SEMA6D: variants seen among roughly 807,000 people sequenced by gnomAD.
SEMA6D encodes the protein semaphorin-6D.
SEMA6D carries 35 observed loss-of-function variants against 106.6 expected under a neutral mutation model. The observed-to-expected ratio is 0.33, with a 90% CI of 0.25 to 0.44. SEMA6D has a LOEUF of 0.44. Ranked by LOEUF, SEMA6D falls within the 20% of genes least tolerant of loss-of-function variation. The pLI, the probability that SEMA6D is intolerant of heterozygous loss-of-function variation, is 1.00. For synonymous variants in SEMA6D, 499 were observed against 487.7 expected (o/e 1.02, Z -0.31); for missense variants, 1,185 against 1,345.9 (o/e 0.88, Z 1.87).
At chr15:47,676,869 G>A (rs1486189141) in intron 4 of SEMA6D, among the ~76,000 whole-genome samples, 1 of 152,058 alleles carries the variant, frequency 6.6e-6, no homozygotes, top group Non-Finnish European at 1.5e-5. Flanking sequence ...GTCTACGAAA[G>A]CAGCAGTCTC....
chr15:47,662,601 A>T (rs1047936201), intron 4 of SEMA6D, among the ~76,000 whole-genome samples: 4 of 152,146 alleles, frequency 2.6e-5, no homozygotes, highest in Non-Finnish European at 5.9e-5. Context: ...AACCTGCCCC[A>T]TTAGGCATTC....
chr15:47,372,987 C>T (rs908743644), intron 1 of SEMA6D, among the ~76,000 whole-genome samples: 6 of 152,184 alleles, frequency 3.9e-5, no homozygotes, highest in African/African-American at 9.7e-5. Context: ...ACTTAGATCA[C>T]GGAACAGTAA....
intron 3 of SEMA6D, among the ~76,000 whole-genome samples, chr15:47,471,941 A>T (rs1016555525): frequency 1.2e-3 from 182 of 148,346 alleles, no homozygotes; most frequent in Admixed American, 3.6e-3. Context: ...TCACACACAC[A>T]CACACACACA....
At chr15:47,618,578 A>G (rs2077046322) in intron 4 of SEMA6D, among the ~76,000 whole-genome samples, 1 of 152,118 alleles carries the variant, frequency 6.6e-6, no homozygotes, top group South Asian at 2.1e-4. Context: ...AGCTTTAGGG[A>G]TTTTTGTGTG....
intron 1 of SEMA6D, among the ~76,000 whole-genome samples, chr15:47,346,041 T>C (rs2038033278): frequency 6.6e-6 from 1 of 152,194 alleles, no homozygotes; most frequent in Non-Finnish European, 1.5e-5. Context: ...TTTGTACCCA[T>C]ATCACTAAAA....
rs536001117 is a variant in SEMA6D at position 47,225,292 on chromosome 15, T to C, written c.-239+40874T>C. Among the ~76,000 whole-genome samples the C allele has an allele frequency of 2.7e-3, 404 of 152,132 alleles. 2 individuals carry two copies. Among genetic ancestry groups the C allele is most frequent in the African/African-American group, 9.3e-3 (388 of 41,534 alleles). ...TTGCACCAATGAATGAGAATTCCTG[T>C]TGCTCTACATTCTCACCAGCATTTG... is the stretch of plus-strand genomic sequence containing the variant. On this transcript the variant is annotated intron_variant, in intron 1 of 19. Transcript: ENST00000558014.
chr15:47,327,033 G>A (rs2037160341), intron 1 of SEMA6D, among the ~76,000 whole-genome samples: 1 of 152,154 alleles, frequency 6.6e-6, no homozygotes, highest in Non-Finnish European at 1.5e-5. Context: ...GTGAGACTGT[G>A]CATCTTGGAT....
intron 7 of SEMA6D, 141 bp from the exon 8 acceptor site, chr15:47,762,059 G>A: frequency 2.2e-6 from 2 of 914,492 alleles, no homozygotes; most frequent in East Asian, 2.5e-5. Flanking sequence ...ACATGTTGAT[G>A]GTGAGAATCA....
chr15:47,598,063 T>C (rs1357831429), intron 3 of SEMA6D, among the ~76,000 whole-genome samples: 1 of 151,994 alleles, frequency 6.6e-6, no homozygotes, highest in Non-Finnish European at 1.5e-5. Flanking sequence ...AACTCTGAAT[T>C]TATAATATTG....
At chr15:47,256,492 T>C (rs936085131) in intron 1 of SEMA6D, among the ~76,000 whole-genome samples, 2 of 152,224 alleles carry the variant, frequency 1.3e-5, no homozygotes, top group Admixed American at 1.3e-4. Flanking sequence ...ACAGTTTCCA[T>C]GTGCACATTT....
chr15:47,622,116 T>G (rs1186065257), intron 4 of SEMA6D, among the ~76,000 whole-genome samples: 1 of 146,394 alleles, frequency 6.8e-6, no homozygotes, highest in Non-Finnish European at 1.5e-5. Context: ...GTTGAGGTTA[T>G]AAATAACTTA....
intron 1 of SEMA6D, among the ~76,000 whole-genome samples, chr15:47,261,644 A>G (rs927283463): frequency 6.6e-6 from 1 of 152,148 alleles, no homozygotes; most frequent in Non-Finnish European, 1.5e-5. Flanking sequence ...AAGGAAACCT[A>G]TACCCTTTAG....
rs3985864 is a variant in SEMA6D, at chr15:47,746,984, GTA to G, written c.-54-12743_-54-12742del. On this transcript the variant is annotated intron_variant, in intron 1 of 18. Transcript: ENST00000536845. ...ACAGTCTCCTGCTGTGTGTGTGTGT[GTA>G]TATATATATATATATATTTCGATTG... is the stretch of plus-strand genomic sequence containing the variant. Among the ~76,000 whole-genome samples, 43 of 122,064 alleles carry G rather than the reference GTA, an allele frequency of 3.5e-4. 1 individual carries two copies. The highest frequency in any genetic ancestry group is 4.6e-4 in the Non-Finnish European group (25 of 54,670). 80.1% of individuals were successfully genotyped at this position (122,064 alleles called of 152,430 possible).
intron 1 of SEMA6D, among the ~76,000 whole-genome samples, chr15:47,330,402 AG>A (rs2037297543): frequency 6.6e-6 from 1 of 152,156 alleles, no homozygotes; most frequent in South Asian, 2.1e-4. Flanking sequence ...GTTGGTGAAC[AG>A]TGGTGATAGT....
At chr15:47,319,603 A>G (rs1282403656) in intron 1 of SEMA6D, among the ~76,000 whole-genome samples, 1 of 151,946 alleles carries the variant, frequency 6.6e-6, no homozygotes, top group Non-Finnish European at 1.5e-5. Context: ...CCGGTGTTGG[A>G]TATTTCCCTC....
chr15:47,306,001 G>C (rs536675326), intron 1 of SEMA6D, among the ~76,000 whole-genome samples: 3 of 149,230 alleles, frequency 2.0e-5, no homozygotes, highest in South Asian at 2.1e-4. Context: ...TTTTCTTTTT[G>C]AGATGGAGTC....
At chr15:47,324,669 A>T (rs1187248480) in intron 1 of SEMA6D, among the ~76,000 whole-genome samples, 1 of 150,258 alleles carries the variant, frequency 6.7e-6, no homozygotes, top group Non-Finnish European at 1.5e-5. Context: ...ATATATATAA[A>T]CTATTATATT....
rs138283876 is a variant in SEMA6D, at chr15:47,664,608, G to T, written c.-55+63712G>T. Among the ~76,000 whole-genome samples, 22 of 152,234 alleles carry T rather than the reference G, an allele frequency of 1.4e-4. No homozygotes were observed. The East Asian group carries it at 4.3e-3, about 29-fold the overall frequency. On this transcript the variant is annotated intron_variant, in intron 4 of 19. Coordinates refer to the SEMA6D transcript ENST00000558014. ...TAGGTGGATCATTGAGCATCCCCATGAGGGGAACCTCTCCAGAAGGAATGA... is the reference window on the plus strand; with the variant it reads ...TAGGTGGATCATTGAGCATCCCCATTAGGGGAACCTCTCCAGAAGGAATGA...
chr15:47,510,224 G>A (rs953967274), intron 3 of SEMA6D, among the ~76,000 whole-genome samples: 1 of 152,134 alleles, frequency 6.6e-6, no homozygotes, highest in Non-Finnish European at 1.5e-5. Flanking sequence ...GATTCTCATA[G>A]GAGCAAGAAT....
Sources: allele counts gnomAD v4.1 joint callset (sites outside exome capture counted in the v4.1 genomes callset), GRCh38; gene constraint gnomAD v4.1.1; transcripts MANE v1.5; gene names NCBI Gene and HGNC (gene_info 2026-07-23, HGNC 2026-07-21).